The following GPC6 variants were observed in gnomAD, a reference collection of about 807,000 sequenced individuals.
GPC6 encodes the protein glypican-6.
Under a neutral mutation model 55.2 loss-of-function variants are expected in GPC6, and 14 were observed. The ratio of observed to expected loss-of-function variants is 0.25; its 90% CI spans 0.17 to 0.40. The LOEUF is 0.40. Ranked by LOEUF, GPC6 falls within the 10% of genes least tolerant of loss-of-function variation. The pLI is 1.00. For synonymous variants in GPC6, 278 were observed against 259.6 expected (o/e 1.07, Z -0.68); for missense variants, 641 against 708.5 (o/e 0.90, Z 1.08).
chr13:93,920,573 C>T (rs1160614269), intron 3 of GPC6, among the ~76,000 whole-genome samples: 1 of 152,136 alleles, frequency 6.6e-6, no homozygotes, highest in Non-Finnish European at 1.5e-5. Flanking sequence ...AATGAGTCCA[C>T]CATCCTCTAA....
chr13:94,390,376 A>G (rs1480625140), intron 7 of GPC6, among the ~76,000 whole-genome samples: 1 of 152,250 alleles, frequency 6.6e-6, no homozygotes, highest in African/African-American at 2.4e-5. Context: ...TCACACTGCT[A>G]TAAAGAAATA....
intron 7 of GPC6, among the ~76,000 whole-genome samples, chr13:94,388,775 A>G (rs754801033): frequency 2.6e-5 from 4 of 152,124 alleles, no homozygotes; most frequent in Admixed American, 6.5e-5. Flanking sequence ...TTTCTCTTAT[A>G]AGGGAGCTAG....
intron 3 of GPC6, among the ~76,000 whole-genome samples, chr13:93,970,937 A>G (rs1392656960): frequency 1.3e-5 from 2 of 152,226 alleles, no homozygotes; most frequent in Non-Finnish European, 2.9e-5. Flanking sequence ...TCCTACAAGG[A>G]CTTGCATTTT....
chr13:93,445,629 G>A (rs1419094993), intron 1 of GPC6, among the ~76,000 whole-genome samples: 1 of 152,130 alleles, frequency 6.6e-6, no homozygotes, highest in Non-Finnish European at 1.5e-5. Context: ...CTCTAGTAAT[G>A]CTAATTACAC....
intron 4 of GPC6, among the ~76,000 whole-genome samples, chr13:94,255,941 C>T (rs570442576): frequency 1.3e-5 from 2 of 152,226 alleles, no homozygotes; most frequent in South Asian, 4.1e-4. Flanking sequence ...ACCCACATTG[C>T]TTGAGAATCT....
At chr13:93,803,272 G>T (rs980244607) in intron 2 of GPC6, among the ~76,000 whole-genome samples, 1 of 152,048 alleles carries the variant, frequency 6.6e-6, no homozygotes, top group South Asian at 2.1e-4. Flanking sequence ...CAACTCTATT[G>T]AAAAATGGGC....
chr13:94,138,650 G>A (rs541072920), intron 4 of GPC6, among the ~76,000 whole-genome samples: 15 of 152,186 alleles, frequency 9.9e-5, no homozygotes, highest in Admixed American at 2.6e-4. Flanking sequence ...CCATTTTTAC[G>A]TTTATTGATC....
intron 2 of GPC6, among the ~76,000 whole-genome samples, chr13:93,804,607 ACTCCAAGGTAGTTAC>A (rs1406389501): frequency 6.6e-6 from 1 of 152,132 alleles, no homozygotes; most frequent in Non-Finnish European, 1.5e-5. Flanking sequence ...GTTCTTTTGT[ACTCCAAGGTAGTTAC>A]CTCCTGAGTC....
intron 1 of GPC6, among the ~76,000 whole-genome samples, chr13:93,385,073 G>A (rs1875339707): frequency 6.6e-6 from 1 of 152,206 alleles, no homozygotes; most frequent in Non-Finnish European, 1.5e-5. Context: ...GGAAAAGGGT[G>A]TTAAGGAATA....
At chr13:93,568,947 T>C (rs993834360) in intron 2 of GPC6, among the ~76,000 whole-genome samples, 5 of 152,152 alleles carry the variant, frequency 3.3e-5, no homozygotes, top group African/African-American at 9.7e-5. Context: ...AGATAGAGGA[T>C]TGGAGAGTTG....
chr13:93,881,910 C>T (rs2140310539), intron 3 of GPC6, among the ~76,000 whole-genome samples: 1 of 152,020 alleles, frequency 6.6e-6, no homozygotes, highest in African/African-American at 2.4e-5. Context: ...AATGTAATTT[C>T]AGAATTGTTA....
chr13:93,305,040 C>T (rs1341601156), intron 1 of GPC6, among the ~76,000 whole-genome samples: 2 of 152,148 alleles, frequency 1.3e-5, no homozygotes, highest in Non-Finnish European at 2.9e-5. Context: ...TGTTTGAAGT[C>T]ATGCAGCTGG....
In GPC6 at chr13:94,405,531, CTTT is replaced by C. The variant is rs1269250389; in HGVS notation, c.*2316_*2318del. On this transcript the variant is annotated 3_prime_UTR_variant, in exon 9 of 9. Coordinates refer to ENST00000377047, the MANE Select transcript of GPC6 (RefSeq NM_005708.5). ...CCTTTTTAAAATATTTCTGCATTCT[CTTT>C]TATGAACTAGATCAGGATGCCTTGT... 6.6e-6 allele frequency: 1 copy of C among 152,154 alleles called. No homozygotes were observed. Among genetic ancestry groups the C allele is most frequent in the East Asian group, 1.9e-4 (1 of 5,198 alleles). 9.4% of individuals were successfully genotyped at this position (152,154 alleles called of 1,614,324 possible). A position where few individuals can be genotyped will look rare whatever the true frequency, so the allele number is the denominator to read the frequency against.
chr13:93,564,854 A>C (rs1876009538), intron 2 of GPC6, among the ~76,000 whole-genome samples: 1 of 152,164 alleles, frequency 6.6e-6, no homozygotes, highest in Non-Finnish European at 1.5e-5. Flanking sequence ...CACCCCTGTT[A>C]TTAATACCCT....
At chr13:94,396,414 C>T (rs976223443) in intron 7 of GPC6, among the ~76,000 whole-genome samples, 1 of 152,174 alleles carries the variant, frequency 6.6e-6, no homozygotes, top group South Asian at 2.1e-4. Flanking sequence ...AATAAAGGCA[C>T]GTCTTTTGGT....
rs1877342202 is a variant in GPC6 at position 93,589,069 on chromosome 13, C to T, written c.319+43648C>T. ...ACAAACTCCTGCCAAGTAGTTTGTT[C>T]CCTCTTGTTAATTTTCATTTTGAAA... On this transcript the variant is annotated intron_variant, in intron 2 of 8. Coordinates refer to ENST00000377047, the MANE Select transcript of GPC6 (RefSeq NM_005708.5). Among the ~76,000 whole-genome samples, 4 of 152,202 alleles carry T rather than the reference C, an allele frequency of 2.6e-5. No individual in the cohort carries two copies. In the South Asian group the frequency reaches 6.2e-4, roughly 24 times the overall value.
At chr13:94,126,481 T>C (rs1886818385) in intron 4 of GPC6, among the ~76,000 whole-genome samples, 1 of 152,196 alleles carries the variant, frequency 6.6e-6, no homozygotes, top group African/African-American at 2.4e-5. Context: ...AAAAAGTGAA[T>C]ATGAAAGTGG....
chr13:93,672,303 G>A lies in GPC6; in HGVS notation c.319+126882G>A, dbSNP rs187092418. Among the ~76,000 whole-genome samples the A allele has an allele frequency of 2.3e-4, 35 of 151,640 alleles. No individual in the cohort carries two copies. In the East Asian group the frequency reaches 6.4e-3, roughly 28 times the overall value. On this transcript the variant is annotated intron_variant, in intron 2 of 8. Transcript: ENST00000377047. ...CCAAATGTATTGCAGCTCATATTTG[G>A]ATATAACTATTGAGTTTGTAGTGTC...
chr13:93,327,760 A>AAT (rs71653345), intron 1 of GPC6, among the ~76,000 whole-genome samples: 20,890 of 150,598 alleles, frequency 0.14, 1,686 homozygotes, highest in East Asian at 0.42. Context: ...AATTATATAT[A>AAT]ATATATATAT....
Sources: gnomAD v4.1 joint callset for allele counts (sites outside exome capture counted in the v4.1 genomes callset) on GRCh38, gnomAD v4.1.1 for gene constraint, MANE v1.5 for transcripts, NCBI Gene and HGNC (gene_info 2026-07-23, HGNC 2026-07-21) for gene names.